SPAG16: variants seen among roughly 807,000 people sequenced by gnomAD.
SPAG16 encodes sperm associated antigen 16.
Under a neutral mutation model 80.4 loss-of-function variants are expected in SPAG16, and 86 were observed. That is an observed-to-expected ratio of 1.07 (90% CI 0.90 to 1.28). SPAG16 has a LOEUF of 1.28. Ranked by LOEUF, SPAG16 falls within the 50% of genes most tolerant of loss-of-function variation. SPAG16 has a pLI of 0.00. For missense variants in SPAG16, 870 were observed against 765.3 expected, an observed-to-expected ratio of 1.14 and a Z score of -1.61; for synonymous variants, 294 against 265.9, an observed-to-expected ratio of 1.11 and a Z score of -1.03.
intron 13 of SPAG16, among the ~76,000 whole-genome samples, chr2:214,083,183 C>T (rs990123280): frequency 1.1e-4 from 16 of 152,156 alleles, no homozygotes; most frequent in South Asian, 2.1e-4. Context: ...ATAGAGGGGA[C>T]GGAATGTGTG....
At chr2:214,353,133 TCTAA>T (rs1484717581) in intron 15 of SPAG16, among the ~76,000 whole-genome samples, 5 of 152,110 alleles carry the variant, frequency 3.3e-5, no homozygotes, top group African/African-American at 1.2e-4. Context: ...ATTTATTTGG[TCTAA>T]CTATCAAATG....
intron 15 of SPAG16, among the ~76,000 whole-genome samples, chr2:214,214,503 T>A (rs778816790): frequency 9.9e-5 from 15 of 152,164 alleles, no homozygotes; most frequent in Non-Finnish European, 2.2e-4. Context: ...TAATTCCTGT[T>A]CCTTCCTGGC....
intron 8 of SPAG16, 96 bp from the exon 9 acceptor site, chr2:213,374,914 T>G: frequency 2.6e-6 from 2 of 764,024 alleles, no homozygotes; most frequent in Non-Finnish European, 4.2e-6. Flanking sequence ...TAAAAATACA[T>G]GCATCATTGA....
At chr2:213,803,984 T>C (rs1188511715) in intron 10 of SPAG16, among the ~76,000 whole-genome samples, 3 of 152,228 alleles carry the variant, frequency 2.0e-5, no homozygotes, top group Admixed American at 6.5e-5. Context: ...CACTGCTAAA[T>C]ACTAAATTCA....
intron 15 of SPAG16, among the ~76,000 whole-genome samples, chr2:214,204,025 A>G (rs2058079993): frequency 6.6e-6 from 1 of 152,150 alleles, no homozygotes; most frequent in South Asian, 2.1e-4. Context: ...TTTGGGCTGC[A>G]TAGGAGCTGA....
intron 9 of SPAG16, among the ~76,000 whole-genome samples, chr2:213,467,426 A>G (rs1422805972): frequency 6.6e-6 from 1 of 152,206 alleles, no homozygotes. Context: ...TATGTAGCAG[A>G]GGAGTTGGCC....
chr2:213,619,900 T>C (rs1289891074), intron 10 of SPAG16, among the ~76,000 whole-genome samples: 1 of 152,134 alleles, frequency 6.6e-6, no homozygotes, highest in Admixed American at 6.6e-5. Context: ...AGCCAAGATA[T>C]GGAATCAACC....
At chr2:213,295,087 T>C (rs1452825893) in intron 1 of SPAG16, among the ~76,000 whole-genome samples, 1 of 152,182 alleles carries the variant, frequency 6.6e-6, no homozygotes, top group African/African-American at 2.4e-5. Context: ...TGGTAAACAA[T>C]GCCAGAGACA....
intron 1 of SPAG16, among the ~76,000 whole-genome samples, chr2:213,294,822 A>G (rs1220565147): frequency 6.6e-6 from 1 of 152,182 alleles, no homozygotes; most frequent in Non-Finnish European, 1.5e-5. Context: ...CACACAGAAC[A>G]TGGAGAGGCA....
At chr2:213,836,613 TTTTA>T (rs1413348948) in intron 10 of SPAG16, among the ~76,000 whole-genome samples, 1 of 152,034 alleles carries the variant, frequency 6.6e-6, no homozygotes, top group Admixed American at 6.6e-5. Flanking sequence ...CTTTTTTATT[TTTTA>T]TTTTTTTATT....
At chr2:213,900,687 G>A (rs916808197) in intron 11 of SPAG16, among the ~76,000 whole-genome samples, 2 of 152,034 alleles carry the variant, frequency 1.3e-5, no homozygotes, top group Non-Finnish European at 2.9e-5. Context: ...CTTCCTGAAT[G>A]CAAATTACTT....
At chr2:214,063,102 A>G (rs1273387862) in intron 13 of SPAG16, among the ~76,000 whole-genome samples, 4 of 152,182 alleles carry the variant, frequency 2.6e-5, no homozygotes, top group Non-Finnish European at 5.9e-5. Flanking sequence ...TTTTTCATGC[A>G]CAGCCTTAAA....
intron 13 of SPAG16, among the ~76,000 whole-genome samples, chr2:214,023,523 A>G (rs1407212441): frequency 1.3e-5 from 2 of 151,804 alleles, no homozygotes; most frequent in African/African-American, 2.4e-5. Context: ...ATAGGTTTTA[A>G]GTTATTACAG....
chr2:213,945,496 A>C (rs939842166), intron 12 of SPAG16, among the ~76,000 whole-genome samples: 3 of 151,956 alleles, frequency 2.0e-5, no homozygotes, highest in Admixed American at 6.6e-5. Flanking sequence ...CCAGCATGGG[A>C]GAAAGATGTA....
At chr2:213,824,731 G>C (rs1423891198) in intron 10 of SPAG16, among the ~76,000 whole-genome samples, 3 of 151,988 alleles carry the variant, frequency 2.0e-5, no homozygotes, top group African/African-American at 7.2e-5. Context: ...TGGGTCTTTT[G>C]TGGCTGCACA....
At chr2:214,058,505 C>T (rs1311006952) in intron 13 of SPAG16, among the ~76,000 whole-genome samples, 2 of 152,028 alleles carry the variant, frequency 1.3e-5, no homozygotes, top group Non-Finnish European at 2.9e-5. Flanking sequence ...CATAGACCAT[C>T]ATAACAGATA....
At chr2:213,368,151 C>T (rs1249673749) in intron 8 of SPAG16, among the ~76,000 whole-genome samples, 7 of 152,186 alleles carry the variant, frequency 4.6e-5, no homozygotes. Flanking sequence ...GTCTATATCT[C>T]TGTTTTGGTA....
intron 10 of SPAG16, among the ~76,000 whole-genome samples, chr2:213,731,293 A>G (rs2067027716): frequency 6.6e-6 from 1 of 150,538 alleles, no homozygotes; most frequent in Admixed American, 6.7e-5. Flanking sequence ...AGTAGCTAGG[A>G]TTACAGGCAC....
chr2:214,092,689 C>T (rs2052302077), intron 13 of SPAG16, among the ~76,000 whole-genome samples: 1 of 151,932 alleles, frequency 6.6e-6, no homozygotes, highest in East Asian at 1.9e-4. Context: ...AACTTATTGC[C>T]TGTCAGCTTC....
Sources: gnomAD v4.1 joint callset for allele counts (sites outside exome capture counted in the v4.1 genomes callset) on GRCh38, gnomAD v4.1.1 for gene constraint, MANE v1.5 for transcripts, NCBI Gene and HGNC (gene_info 2026-07-23, HGNC 2026-07-21) for gene names.